CEACAM18: variants seen among roughly 807,000 people sequenced by gnomAD.
CEACAM18 encodes CEA cell adhesion molecule 18.
Under a neutral mutation model 34.3 loss-of-function variants are expected in CEACAM18, and 33 were observed. The ratio of observed to expected loss-of-function variants is 0.96; its 90% CI spans 0.73 to 1.29. CEACAM18 has a LOEUF of 1.29. Ranked by LOEUF, CEACAM18 falls within the 50% of genes most tolerant of loss-of-function variation. The probability of loss-of-function intolerance (pLI) is 0.00; values close to 1 mark genes in which losing one functional copy is unlikely to be tolerated. For missense variants in CEACAM18, 474 were observed against 485.0 expected (o/e 0.98, Z 0.21); for synonymous variants, 169 against 180.9 (o/e 0.93, Z 0.53).
At chr19:51,480,418 C>A (rs773989271) in exon 2 of CEACAM18, 1 of 1,613,178 alleles carries the variant, frequency 6.2e-7, no homozygotes, top group African/African-American at 1.3e-5. Flanking sequence ...ATCGGACTGT[C>A]GTGGCCCTGG....
At chr19:51,481,532 G>T (rs367938775) in exon 3 of CEACAM18, 44 of 1,613,890 alleles carry the variant, frequency 2.7e-5, no homozygotes, top group Non-Finnish European at 3.6e-5. Context: ...GTAGTGACCG[G>T]ATGACAATTT....
exon 6 of CEACAM18, chr19:51,490,748 C>T: frequency 3.2e-6 from 2 of 627,996 alleles, no homozygotes; most frequent in Non-Finnish European, 4.6e-6. Context: ...AAGAGAGGGA[C>T]CCAGCCCAGT....
chr19:51,480,051 G>A (rs1041567472), intron 1 of CEACAM18, among the ~76,000 whole-genome samples: 1 of 152,128 alleles, frequency 6.6e-6, no homozygotes, highest in Non-Finnish European at 1.5e-5. Context: ...CGCAACTTGG[G>A]CTTATTAACA....
At chr19:51,484,880 G>A in intron 4 of CEACAM18, 107 bp from the exon 5 acceptor site, 5 of 1,347,890 alleles carry the variant, frequency 3.7e-6, no homozygotes, top group South Asian at 2.6e-5. Flanking sequence ...GCTGATAATA[G>A]ATGTTGACAA....
chr19:51,486,863 G>A (rs1480343860), intron 5 of CEACAM18, among the ~76,000 whole-genome samples: 1 of 149,800 alleles, frequency 6.7e-6, no homozygotes, highest in East Asian at 2.0e-4. Flanking sequence ...GACTACAGGC[G>A]CCCGCCACCA....
chr19:51,489,299 A>G (rs1252492925), intron 5 of CEACAM18, among the ~76,000 whole-genome samples: 1 of 151,456 alleles, frequency 6.6e-6, no homozygotes, highest in Non-Finnish European at 1.5e-5. Flanking sequence ...GCCTCTGATG[A>G]ACAAAAGATG....
intron 1 of CEACAM18, 128 bp from the exon 2 acceptor site, chr19:51,480,205 G>A: frequency 2.6e-6 from 2 of 768,444 alleles, no homozygotes; most frequent in Non-Finnish European, 4.1e-6. Flanking sequence ...CCAGGAGCCA[G>A]AAACTCTTGC....
Position 51,480,698 on chromosome 19 carries a change from G to GT in CEACAM18, c.400+19dup. On this transcript the variant is annotated intron_variant, in intron 2 of 5. Transcript: ENST00000396477. ...GGTTCTAGGTGGGTTAGCAGGTGCT[G>GT]TGTTTCCCAACCCCCAAGGAGAGCT... The GT allele has an allele frequency of 6.3e-7, 1 of 1,595,850 alleles. No individual in the cohort carries two copies. Among genetic ancestry groups the GT allele is most frequent in the Non-Finnish European group, 8.6e-7 (1 of 1,169,332 alleles).
intron 5 of CEACAM18, among the ~76,000 whole-genome samples, chr19:51,487,972 G>A (rs1391347639): frequency 6.6e-6 from 1 of 152,152 alleles, no homozygotes; most frequent in Admixed American, 6.5e-5. Flanking sequence ...TTTCGTCATT[G>A]CCAAAAGTTC....
At chr19:51,481,398 G>A (rs1354684507) in exon 3 of CEACAM18, 1 of 1,613,608 alleles carries the variant, frequency 6.2e-7, no homozygotes, top group Non-Finnish European at 8.5e-7. Flanking sequence ...CCCAGAGTTG[G>A]GAAGCAATCT....
Position 51,480,801 on chromosome 19 carries a change from CT to C in CEACAM18, c.400+123del, listed in dbSNP as rs1989901883. 10 of 895,282 alleles carry C rather than the reference CT, an allele frequency of 1.1e-5. No homozygotes were observed. The South Asian group carries it at 1.7e-4, about 16-fold the overall frequency. 55.5% of individuals were successfully genotyped at this position (895,282 alleles called of 1,614,324 possible). ...GGAAATCACGGAGCCGCCCTGGAAT[CT>C]TGTGTACCATGGACAGCTCCTGGGG... On this transcript the variant is annotated intron_variant, in intron 2 of 5. Transcript: ENST00000396477.
intron 3 of CEACAM18, 62 bp downstream of exon 3, chr19:51,481,727 G>C: frequency 2.0e-6 from 3 of 1,528,864 alleles, no homozygotes; most frequent in Non-Finnish European, 2.6e-6. Flanking sequence ...CTAGGGATAG[G>C]AATATGTTAG....
rs1327201659 is a variant in CEACAM18 at position 51,486,710 on chromosome 19, C to CTT, written c.1089+1590_1089+1591dup. The stretch of plus-strand genomic sequence containing the variant: ...TTTTCTTTTTTCTTTTTCTTTCTTT[C>CTT]TTTCTTTTCTTTCTTTTTTTTTTTT... On this transcript the variant is annotated intron_variant, in intron 5 of 5. Coordinates refer to ENST00000396477, the Ensembl canonical transcript of CEACAM18. 1.9e-3 allele frequency among the ~76,000 whole-genome samples: 273 copies of CTT among 144,432 alleles called. 1 individual carries two copies. Among genetic ancestry groups the CTT allele is most frequent in the Middle Eastern group, 0.012 (3 of 258 alleles). The allele number at this position is 144,432 out of a possible 152,430, so 94.8% of individuals were successfully genotyped here.
intron 1 of CEACAM18, among the ~76,000 whole-genome samples, chr19:51,480,041 C>T (rs1246493386): frequency 6.6e-6 from 1 of 152,026 alleles, no homozygotes; most frequent in African/African-American, 2.4e-5. Context: ...AGAACAGGGT[C>T]GCAACTTGGG....
At chr19:51,485,747 G>A (rs1989988419) in intron 5 of CEACAM18, among the ~76,000 whole-genome samples, 1 of 152,222 alleles carries the variant, frequency 6.6e-6, no homozygotes, top group Non-Finnish European at 1.5e-5. Flanking sequence ...CTCAACCTCA[G>A]CACTATCAGC....
exon 5 of CEACAM18, chr19:51,485,027 A>G: frequency 6.5e-7 from 1 of 1,536,098 alleles, no homozygotes; most frequent in Non-Finnish European, 8.7e-7. Flanking sequence ...CCATCTCAGG[A>G]TCCATGGTGA....
chr19:51,486,515 G>A (rs1990002984), intron 5 of CEACAM18, among the ~76,000 whole-genome samples: 1 of 151,724 alleles, frequency 6.6e-6, no homozygotes, highest in Non-Finnish European at 1.5e-5. Flanking sequence ...ACTGTAGTAG[G>A]AGCAGCCGAT....
intron 4 of CEACAM18, among the ~76,000 whole-genome samples, chr19:51,483,590 C>T (rs202239220): frequency 6.9e-6 from 1 of 145,414 alleles, no homozygotes; most frequent in Admixed American, 6.6e-5. Context: ...CTCACCATTT[C>T]TCTGGAGTAA....
At chr19:51,483,189 C>T in exon 4 of CEACAM18, 1 of 1,614,004 alleles carries the variant, frequency 6.2e-7, no homozygotes, top group Non-Finnish European at 8.5e-7. Flanking sequence ...CAAAGATGAA[C>T]CTCTCGAGTC....
Sources: gnomAD v4.1 joint callset for allele counts (sites outside exome capture counted in the v4.1 genomes callset) on GRCh38, gnomAD v4.1.1 for gene constraint, MANE v1.5 for transcripts, NCBI Gene and HGNC (gene_info 2026-07-23, HGNC 2026-07-21) for gene names.